Variants in SARDH observed in about 807,000 individuals in gnomAD.
SARDH encodes sarcosine dehydrogenase.
Under a neutral mutation model 109.1 loss-of-function variants are expected in SARDH, and 95 were observed. That is an observed-to-expected ratio of 0.87 (90% CI 0.74 to 1.03). SARDH has a LOEUF of 1.03. SARDH is among the 50% of genes least tolerant of loss of function. The probability of loss-of-function intolerance (pLI) is 0.00; values close to 1 mark genes in which losing one functional copy is unlikely to be tolerated. For synonymous variants in SARDH, 572 were observed against 534.8 expected (o/e 1.07, Z -0.96); for missense variants, 1,267 against 1,287.8 (o/e 0.98, Z 0.25).
rs186705856 is a variant in SARDH, at chr9:133,697,570, C to T, written c.1669-1209G>A. ...CCAACAACATAGGAAAGAGATTACA[C>T]ACCATGATCAATGGGATTTATCCCA... On this transcript the variant is annotated intron_variant, in intron 13 of 20. Coordinates refer to ENST00000439388, the MANE Select transcript of SARDH (RefSeq NM_001134707.2). Among the ~76,000 whole-genome samples, 220 of 152,278 alleles carry T rather than the reference C, an allele frequency of 1.4e-3. 2 individuals carry two copies. The highest frequency in any genetic ancestry group is 5.3e-3 in the African/African-American group (219 of 41,548).
chr9:133,730,975 T>TCAAA (rs898201122), intron 4 of SARDH, among the ~76,000 whole-genome samples: 4 of 152,138 alleles, frequency 2.6e-5, no homozygotes, highest in African/African-American at 9.7e-5. Context: ...AGATACTGTC[T>TCAAA]CAAACAAACA....
chr9:133,703,815 A>G (rs1466778993), intron 12 of SARDH: 1 of 152,278 alleles, frequency 6.6e-6, no homozygotes, highest in Non-Finnish European at 1.5e-5. Flanking sequence ...GTTGTAAGGG[A>G]GTCAGGCTTT....
In SARDH at chr9:133,663,813, G is replaced by A. The variant is rs1829961723; in HGVS notation, c.*76C>T. Reference sequence around the variant, plus strand: ...GGGCACAAGTTCTGGCTGGGTCCAGGGTCCTGGGACCCAGGGCCATTTGGG... The same window carrying A: ...GGGCACAAGTTCTGGCTGGGTCCAGAGTCCTGGGACCCAGGGCCATTTGGG... On this transcript the variant is annotated 3_prime_UTR_variant, in exon 21 of 21. Transcript: ENST00000439388. 2 of 1,586,926 alleles carry A rather than the reference G, an allele frequency of 1.3e-6. No individual in the cohort carries two copies. Among genetic ancestry groups the A allele is most frequent in the Admixed American group, 3.4e-5 (2 of 58,234 alleles).
chr9:133,710,524 C>G (rs1339897475), intron 10 of SARDH, among the ~76,000 whole-genome samples: 4 of 152,232 alleles, frequency 2.6e-5, no homozygotes. Context: ...TGATGAAGGA[C>G]GACCCACGCG....
intron 14 of SARDH, among the ~76,000 whole-genome samples, chr9:133,694,654 C>T (rs1048162275): frequency 6.6e-6 from 1 of 152,246 alleles, no homozygotes; most frequent in African/African-American, 2.4e-5. Flanking sequence ...GGCACTGGCC[C>T]CTCCCACCCA....
At chr9:133,729,108 T>G (rs1588454408) in intron 6 of SARDH, among the ~76,000 whole-genome samples, 1 of 147,130 alleles carries the variant, frequency 6.8e-6, no homozygotes, top group Non-Finnish European at 1.5e-5. Context: ...GATACGGGAG[T>G]AGATGGATGG....
chr9:133,670,067 G>A (rs139736499), intron 19 of SARDH, among the ~76,000 whole-genome samples: 2,272 of 152,308 alleles, frequency 0.015, 49 homozygotes, highest in African/African-American at 0.051. Flanking sequence ...GGATCCTCAC[G>A]CTTGTAATCC....
At chr9:133,707,640 C>T (rs1304609245) in intron 11 of SARDH, among the ~76,000 whole-genome samples, 2 of 152,206 alleles carry the variant, frequency 1.3e-5, no homozygotes, top group African/African-American at 4.8e-5. Context: ...CCTCAATGCT[C>T]AGGAACCAGA....
At position 133,666,646 on chromosome 9, in the gene SARDH, C is replaced by A. The variant is rs997571446; in HGVS notation, c.2631+89G>T. 1.3e-5 allele frequency: 20 copies of A among 1,515,504 alleles called. No homozygotes were observed. The highest frequency in any genetic ancestry group is 1.6e-5 in the Non-Finnish European group (18 of 1,120,378). The allele number at this position is 1,515,504 out of a possible 1,614,324, so 93.9% of individuals were successfully genotyped here. ...CACACCCGTGCCTCCTCCCTATGCC[C>A]GGCACACTCAGGGTGCAGTGCAGGG... On this transcript the variant is annotated intron_variant, in intron 20 of 20. Coordinates refer to ENST00000439388, the MANE Select transcript of SARDH (RefSeq NM_001134707.2). This position sits in a 1 kb window ranked among gnomAD's most constrained non-coding sequence, Gnocchi z 5.2.
intron 2 of SARDH, 47 bp downstream of exon 2, chr9:133,733,796 C>A: frequency 7.1e-7 from 1 of 1,400,850 alleles, no homozygotes; most frequent in Non-Finnish European, 9.4e-7. Flanking sequence ...TGTGGCCCCT[C>A]GCTATGTCCT....
At chr9:133,701,382 C>T (rs986304147) in intron 13 of SARDH, among the ~76,000 whole-genome samples, 27 of 152,242 alleles carry the variant, frequency 1.8e-4, no homozygotes, top group Non-Finnish European at 3.5e-4. Context: ...ACAGGGCTCC[C>T]CTTTGTCGGT....
chr9:133,684,077 C>T (rs1005280919), intron 17 of SARDH, among the ~76,000 whole-genome samples: 2 of 152,232 alleles, frequency 1.3e-5, no homozygotes, highest in African/African-American at 2.4e-5. Context: ...TCTGGAGGCC[C>T]GGCCCCCGCT....
chr9:133,721,939 A>C (rs991830671), intron 6 of SARDH, among the ~76,000 whole-genome samples: 3 of 152,152 alleles, frequency 2.0e-5, no homozygotes, highest in African/African-American at 4.8e-5. Flanking sequence ...AACATGGTGA[A>C]ACCCCAACTC....
chr9:133,734,348 T>TTCATTCATTCATTCAC (rs879561844), intron 1 of SARDH, 145 bp from the exon 2 acceptor site: 17,159 of 380,216 alleles, frequency 0.045, 2,847 homozygotes, highest in African/African-American at 0.1. Context: ...CATTCACTCA[T>TTCATTCATTCATTCAC]TCATTCATTC....
rs9409853 is a variant in SARDH at position 133,735,619 on chromosome 9, G to T, written c.-30-1416C>A. On this transcript the variant is annotated intron_variant, in intron 1 of 20. Transcript: ENST00000439388. ...AACTGAGCTCGTGTTAACTGAGCTC[G>T]TTCAAGCAAAGCTGTCTGCAGTAGG... Among the ~76,000 whole-genome samples the T allele has an allele frequency of 7.5e-4, 114 of 152,316 alleles. No individual in the cohort carries two copies. In the Middle Eastern group the frequency reaches 0.014, roughly 18 times the overall value.
chr9:133,702,770 A>G, intron 13 of SARDH, 146 bp downstream of exon 13: 1 of 673,578 alleles, frequency 1.5e-6, no homozygotes, highest in South Asian at 1.7e-5. Flanking sequence ...CTCAAAATGG[A>G]GTCAGCCGAA....
At chr9:133,694,958 G>A (rs1831230882) in intron 14 of SARDH, among the ~76,000 whole-genome samples, 1 of 152,172 alleles carries the variant, frequency 6.6e-6, no homozygotes, top group Non-Finnish European at 1.5e-5. Context: ...AGCAGCAGGT[G>A]CCTGGGAGTC....
downstream of SARDH, among the ~76,000 whole-genome samples, chr9:133,662,751 C>T (rs1829926168): frequency 6.6e-6 from 1 of 152,176 alleles, no homozygotes; most frequent in Admixed American, 6.5e-5. The surrounding 1 kb of genome is among the most constrained non-coding windows in gnomAD (Gnocchi z 5.1). Flanking sequence ...GCCCCGGCTC[C>T]ACGATACCCT....
intron 4 of SARDH, 140 bp downstream of exon 4, chr9:133,731,165 G>T: frequency 9.3e-7 from 1 of 1,076,582 alleles, no homozygotes; most frequent in East Asian, 2.5e-5. Context: ...GGACCAGAAG[G>T]CTCAGAGAGG....
Sources: gnomAD v4.1 joint callset for allele counts (sites outside exome capture counted in the v4.1 genomes callset) on GRCh38, gnomAD v4.1.1 for gene constraint, Gnocchi (gnomAD v3.1) non-coding constraint, MANE v1.5 for transcripts, NCBI Gene and HGNC (gene_info 2026-07-23, HGNC 2026-07-21) for gene names.